Variants in KIAA1217 observed in about 807,000 individuals in gnomAD.
KIAA1217 encodes the protein KIAA1217, also known as sickle tail protein homolog.
KIAA1217 carries 88 observed loss-of-function variants against 163.9 expected under a neutral mutation model. The observed-to-expected ratio is 0.54, with a 90% confidence interval of 0.45 to 0.64. KIAA1217 has a LOEUF of 0.64. Among genes scored for constraint, KIAA1217 ranks in the 30% least tolerant of loss-of-function variants. KIAA1217 has a pLI of 0.00. For missense variants in KIAA1217, 2,372 were observed against 2,475.0 expected (o/e 0.96, Z 0.88); for synonymous variants, 903 against 923.1 (o/e 0.98, Z 0.39).
At chr10:23,778,288 A>T (rs544015094) in intron 1 of KIAA1217, among the ~76,000 whole-genome samples, 11 of 152,280 alleles carry the variant, frequency 7.2e-5, no homozygotes, top group African/African-American at 2.2e-4. Flanking sequence ...GCTGGATAAA[A>T]ACCGTTTTTA....
chr10:24,198,718 T>C (rs2067108197), intron 2 of KIAA1217, among the ~76,000 whole-genome samples: 1 of 152,140 alleles, frequency 6.6e-6, no homozygotes, highest in Non-Finnish European at 1.5e-5. Context: ...GGCTCACATA[T>C]AAGCAAAGAA....
chr10:23,737,223 C>T (rs962026572), intron 1 of KIAA1217, among the ~76,000 whole-genome samples: 4 of 151,962 alleles, frequency 2.6e-5, no homozygotes, highest in African/African-American at 4.8e-5. Flanking sequence ...TTTTTTGAGA[C>T]GGAGTCTCGC....
exon 2 of KIAA1217, chr10:24,007,303 C>T (rs1847046605): frequency 6.6e-6 from 1 of 152,170 alleles, no homozygotes; most frequent in Non-Finnish European, 1.5e-5. Flanking sequence ...CCCAGAGCCC[C>T]TGGGAATCAT....
chr10:24,359,855 G>A (rs1483153546), intron 2 of KIAA1217, among the ~76,000 whole-genome samples: 2 of 151,746 alleles, frequency 1.3e-5, no homozygotes. Flanking sequence ...TTCTTAGTGT[G>A]ACTTATAAAG....
At chr10:23,993,277 C>G (rs1051528337) in intron 1 of KIAA1217, among the ~76,000 whole-genome samples, 3 of 152,074 alleles carry the variant, frequency 2.0e-5, no homozygotes, top group Admixed American at 2.0e-4. Context: ...AGTGATCCAC[C>G]TGCCTCGCCC....
intron 9 of KIAA1217, among the ~76,000 whole-genome samples, 184 bp downstream of exon 9, chr10:24,501,729 CTTTTTTTTTTTTTTTTTTT>C (rs71397953): frequency 2.3e-4 from 12 of 51,506 alleles, no homozygotes; most frequent in South Asian, 9.6e-4. Context: ...ATAACCACTT[CTTTTTTTTTTTTTTTTTTT>C]TTTTTTTTTT....
intron 16 of KIAA1217, 88 bp downstream of exon 16, chr10:24,533,325 G>A (rs948046780): frequency 1.0e-5 from 14 of 1,346,064 alleles, no homozygotes; most frequent in Non-Finnish European, 1.3e-5. Context: ...TAGCGAGAAG[G>A]CCAGGGAAGC....
At chr10:24,316,798 G>T (rs536187768) in intron 2 of KIAA1217, among the ~76,000 whole-genome samples, 1 of 152,096 alleles carries the variant, frequency 6.6e-6, no homozygotes, top group Non-Finnish European at 1.5e-5. Context: ...ATATATTTCC[G>T]AGCCAGAGAT....
intron 18 of KIAA1217, 49 bp downstream of exon 18, chr10:24,542,819 C>T: frequency 6.2e-7 from 1 of 1,610,772 alleles, no homozygotes; most frequent in Non-Finnish European, 8.5e-7. Flanking sequence ...ACATTAAGTA[C>T]CTGCCTCTGC....
At chr10:24,369,156 G>C (rs2051204674) in intron 2 of KIAA1217, among the ~76,000 whole-genome samples, 1 of 150,768 alleles carries the variant, frequency 6.6e-6, no homozygotes, top group Non-Finnish European at 1.5e-5. Context: ...CTTTGGTGCA[G>C]AAAGCTAGTT....
intron 2 of KIAA1217, among the ~76,000 whole-genome samples, chr10:24,296,739 A>AT (rs1259300316): frequency 3.3e-5 from 5 of 151,928 alleles, no homozygotes; most frequent in African/African-American, 7.3e-5. Flanking sequence ...TCTTTCTTTC[A>AT]TTTTTTGTGT....
chr10:23,840,160 CTT>C (rs58314817), intron 1 of KIAA1217, among the ~76,000 whole-genome samples: 2 of 145,176 alleles, frequency 1.4e-5, no homozygotes, highest in Non-Finnish European at 1.5e-5. Flanking sequence ...AATTACGCTT[CTT>C]TTTTTTTTTT....
At chr10:23,871,127 T>A (rs924071815) in intron 1 of KIAA1217, among the ~76,000 whole-genome samples, 7 of 152,052 alleles carry the variant, frequency 4.6e-5, no homozygotes, top group Non-Finnish European at 7.4e-5. Context: ...CCAGAGTTGT[T>A]TTTCTGGAAA....
chr10:24,186,716 T>A (rs1313879854), intron 2 of KIAA1217, among the ~76,000 whole-genome samples: 2 of 151,842 alleles, frequency 1.3e-5, no homozygotes, highest in East Asian at 3.9e-4. Flanking sequence ...CATGGTGAAA[T>A]CCCTTCTTTA....
At chr10:24,344,054 C>T (rs1039763267) in intron 2 of KIAA1217, among the ~76,000 whole-genome samples, 5 of 152,178 alleles carry the variant, frequency 3.3e-5, no homozygotes, top group African/African-American at 1.2e-4. Flanking sequence ...TTTGAAACTG[C>T]TTAATGAAGA....
At chr10:24,216,823 T>A (rs186789974) in intron 1 of KIAA1217, among the ~76,000 whole-genome samples, 1,984 of 130,894 alleles carry the variant, frequency 0.015, 21 homozygotes, top group Non-Finnish European at 0.024. Context: ...TGAGACTCTG[T>A]GTCCAAAAAA....
intron 17 of KIAA1217, among the ~76,000 whole-genome samples, chr10:24,538,796 G>A (rs551974244): frequency 3.7e-4 from 51 of 136,770 alleles, no homozygotes; most frequent in East Asian, 1.8e-3. Context: ...TTGCTGTGAC[G>A]TGGTCTCGGC....
At chr10:24,196,136 AACACACACACACAC>A (rs66954103) in intron 2 of KIAA1217, among the ~76,000 whole-genome samples, 9 of 144,318 alleles carry the variant, frequency 6.2e-5, no homozygotes, top group South Asian at 4.4e-4. Context: ...CCTGTCTCAA[AACACACACACACAC>A]ACACACACAC....
intron 8 of KIAA1217, among the ~76,000 whole-genome samples, chr10:24,500,947 A>T (rs2067495164): frequency 6.6e-6 from 1 of 152,126 alleles, no homozygotes; most frequent in Non-Finnish European, 1.5e-5. Flanking sequence ...CAAACAAACA[A>T]AAAACCTTAT....
Sources: gnomAD v4.1 joint callset for allele counts (sites outside exome capture counted in the v4.1 genomes callset) on GRCh38, gnomAD v4.1.1 for gene constraint, MANE v1.5 for transcripts, NCBI Gene and HGNC (gene_info 2026-07-23, HGNC 2026-07-21) for gene names.